FRMD6: variants seen among roughly 807,000 people sequenced by gnomAD.
FRMD6 encodes the protein FERM domain-containing protein 6.
FRMD6 carries 37 observed loss-of-function variants against 73.2 expected under a neutral mutation model. The observed-to-expected ratio is 0.51, with a 90% CI of 0.39 to 0.66. FRMD6 has a LOEUF of 0.66. FRMD6 is among the 30% of genes least tolerant of loss of function. FRMD6 has a pLI of 0.00. For missense variants in FRMD6, 714 were observed against 780.5 expected, an observed-to-expected ratio of 0.91 and a Z score of 1.02; for synonymous variants, 273 against 282.2, an observed-to-expected ratio of 0.97 and a Z score of 0.33.
At chr14:51,629,144 G>A (rs1026980611) in intron 2 of FRMD6, among the ~76,000 whole-genome samples, 1 of 152,120 alleles carries the variant, frequency 6.6e-6, no homozygotes, top group Non-Finnish European at 1.5e-5. Flanking sequence ...CTCCCAAAGT[G>A]CTGGGATTAC....
chr14:51,618,332 T>C (rs1046551215), intron 2 of FRMD6, among the ~76,000 whole-genome samples: 7 of 152,094 alleles, frequency 4.6e-5, no homozygotes, highest in Admixed American at 3.3e-4. Flanking sequence ...AACTAGAGTG[T>C]AGAGAGCCAA....
At chr14:51,688,059 C>T (rs1302651862) in intron 1 of FRMD6, among the ~76,000 whole-genome samples, 2 of 151,746 alleles carry the variant, frequency 1.3e-5, no homozygotes, top group African/African-American at 4.8e-5. Flanking sequence ...GATTCTGATG[C>T]AGCCAACCCT....
intron 1 of FRMD6, among the ~76,000 whole-genome samples, chr14:51,545,137 A>G (rs1166157993): frequency 6.6e-6 from 1 of 152,122 alleles, no homozygotes; most frequent in Non-Finnish European, 1.5e-5. Flanking sequence ...CATGCACTAG[A>G]CACAGTTATC....
intron 1 of FRMD6, among the ~76,000 whole-genome samples, chr14:51,679,555 C>CTT (rs61250963): frequency 1.4e-4 from 17 of 120,584 alleles, no homozygotes; most frequent in African/African-American, 4.5e-4. Context: ...CATTTGTTTT[C>CTT]TTTTTTTTTT....
At chr14:51,526,577 A>G (rs1475233569) in intron 1 of FRMD6, among the ~76,000 whole-genome samples, 1 of 152,176 alleles carries the variant, frequency 6.6e-6, no homozygotes, top group Non-Finnish European at 1.5e-5. Context: ...TAGTCCCCTA[A>G]TAATGCTCTT....
chr14:51,658,326 T>C (rs985670669), intron 1 of FRMD6, among the ~76,000 whole-genome samples: 2 of 109,850 alleles, frequency 1.8e-5, no homozygotes, highest in African/African-American at 7.2e-5. Flanking sequence ...CTTTTCCCTT[T>C]TTTCTCTCTC....
intron 1 of FRMD6, among the ~76,000 whole-genome samples, chr14:51,510,497 A>G (rs1016270727): frequency 6.6e-6 from 1 of 152,164 alleles, no homozygotes; most frequent in Non-Finnish European, 1.5e-5. Flanking sequence ...AAAAGAATCC[A>G]ATATATTTTA....
rs1222682375 is a variant in FRMD6 at position 51,728,123 on chromosome 14, T to C, written c.*94T>C. ...TACATATTACTTGTGCCATATCTTC[T>C]TCACCCTAAACATAGCTCTTTCTTT... is the stretch of plus-strand genomic sequence containing the variant. On this transcript the variant is annotated 3_prime_UTR_variant, in exon 14 of 14. Transcript: ENST00000344768. The C allele has an allele frequency of 8.7e-7, 1 of 1,153,734 alleles. No homozygotes were observed. The highest frequency in any genetic ancestry group is 2.4e-5 in the Admixed American group (1 of 41,840). The allele number at this position is 1,153,734 out of a possible 1,614,324, so 71.5% of individuals were successfully genotyped here. A position where few individuals can be genotyped will look rare whatever the true frequency, so the allele number is the denominator to read the frequency against.
At chr14:51,691,451 C>G (rs77947713) in intron 2 of FRMD6, among the ~76,000 whole-genome samples, 1 of 152,052 alleles carries the variant, frequency 6.6e-6, no homozygotes, top group Non-Finnish European at 1.5e-5. Flanking sequence ...TTCAACCCCT[C>G]TCTGTGTTAT....
intron 1 of FRMD6, among the ~76,000 whole-genome samples, chr14:51,554,483 CG>C (rs1400876965): frequency 6.6e-6 from 1 of 152,124 alleles, no homozygotes; most frequent in Non-Finnish European, 1.5e-5. Context: ...GTACCTCAAC[CG>C]GGTGCTCAAG....
chr14:51,515,810 A>G (rs985906940), intron 1 of FRMD6, among the ~76,000 whole-genome samples: 5 of 151,926 alleles, frequency 3.3e-5, no homozygotes, highest in Non-Finnish European at 5.9e-5. Flanking sequence ...GTTTTTTTTC[A>G]TTAACTCGGA....
At chr14:51,636,682 C>A (rs1891581019) in intron 2 of FRMD6, among the ~76,000 whole-genome samples, 1 of 152,068 alleles carries the variant, frequency 6.6e-6, no homozygotes, top group African/African-American at 2.4e-5. Flanking sequence ...GGGAAAAGGC[C>A]AGAATGTGGG....
chr14:51,550,751 A>G (rs1394567130), intron 1 of FRMD6, among the ~76,000 whole-genome samples: 1 of 152,204 alleles, frequency 6.6e-6, no homozygotes, highest in South Asian at 2.1e-4. Flanking sequence ...GGCAATTTTC[A>G]TCATGTCTGT....
chr14:51,606,967 G>T (rs1890282994), intron 2 of FRMD6, among the ~76,000 whole-genome samples: 1 of 152,128 alleles, frequency 6.6e-6, no homozygotes, highest in Non-Finnish European at 1.5e-5. Context: ...GAGAGGAATG[G>T]TGTATCCCGG....
intron 13 of FRMD6, among the ~76,000 whole-genome samples, chr14:51,726,679 A>G (rs1897974420): frequency 6.6e-6 from 1 of 152,196 alleles, no homozygotes; most frequent in South Asian, 2.1e-4. Context: ...GGCACAGCTG[A>G]TAGTCAGATT....
chr14:51,678,025 A>T (rs754492470), intron 1 of FRMD6, among the ~76,000 whole-genome samples: 1 of 152,154 alleles, frequency 6.6e-6, no homozygotes, highest in African/African-American at 2.4e-5. Context: ...TTAGGCTCCA[A>T]GTCACTCTAT....
At chr14:51,451,636 C>T in the FRMD6 span, among the ~76,000 whole-genome samples, 1 of 152,206 alleles carries the variant, frequency 6.6e-6, no homozygotes, top group African/African-American at 2.4e-5. Flanking sequence ...CCACCTCAGC[C>T]TCCCAAAGTG....
chr14:51,446,054 G>T, the FRMD6 span, among the ~76,000 whole-genome samples: 1 of 152,202 alleles, frequency 6.6e-6, no homozygotes, highest in Non-Finnish European at 1.5e-5. Context: ...ATGGAGTTAA[G>T]ATTCAAGCTC....
chr14:51,711,838 A>G (rs1896960941), intron 8 of FRMD6, among the ~76,000 whole-genome samples: 1 of 152,236 alleles, frequency 6.6e-6, no homozygotes, highest in Non-Finnish European at 1.5e-5. Flanking sequence ...CAATAAGTCA[A>G]AGATTAGCCC....
Sources: allele counts gnomAD v4.1 joint callset (sites outside exome capture counted in the v4.1 genomes callset), GRCh38; gene constraint gnomAD v4.1.1; transcripts MANE v1.5; gene names NCBI Gene and HGNC (gene_info 2026-07-23, HGNC 2026-07-21).